Variants in HOOK3 observed in about 807,000 individuals in gnomAD.
HOOK3 encodes protein Hook homolog 3.
HOOK3 carries 24 observed loss-of-function variants against 116.3 expected under a neutral mutation model. The ratio of observed to expected loss-of-function variants is 0.21; its 90% confidence interval spans 0.15 to 0.29. The LOEUF (loss-of-function observed/expected upper bound fraction) is 0.29. HOOK3 is among the 10% of genes least tolerant of loss of function. HOOK3 has a pLI of 1.00. For synonymous variants in HOOK3, 275 were observed against 283.0 expected (o/e 0.97, Z 0.28); for missense variants, 632 against 830.2 (o/e 0.76, Z 2.93).
At chr8:43,000,198 T>A (rs1809353210) in intron 16 of HOOK3, 2 of 943,256 alleles carry the variant, frequency 2.1e-6, no homozygotes, top group African/African-American at 3.4e-5. Flanking sequence ...ACTAAATCGT[T>A]GCTTCTCTTG....
At chr8:42,962,152 A>G (rs1304252980) in intron 8 of HOOK3, among the ~76,000 whole-genome samples, 1 of 151,688 alleles carries the variant, frequency 6.6e-6, no homozygotes, top group Admixed American at 6.6e-5. Context: ...TGGCATGATC[A>G]CAGCTTGCTG....
chr8:42,959,425 T>C, intron 8 of HOOK3, 111 bp downstream of exon 8: 1 of 711,192 alleles, frequency 1.4e-6, no homozygotes, highest in Admixed American at 2.8e-5. Flanking sequence ...AACCCTTTTT[T>C]AGGGAAAAAA....
chr8:42,948,509 C>T (rs1808277739), intron 5 of HOOK3, among the ~76,000 whole-genome samples: 1 of 152,154 alleles, frequency 6.6e-6, no homozygotes, highest in Non-Finnish European at 1.5e-5. Context: ...AACGCTTCCC[C>T]TCTCACACCT....
At chr8:42,900,102 C>T (rs1807154359) in intron 1 of HOOK3, among the ~76,000 whole-genome samples, 1 of 152,110 alleles carries the variant, frequency 6.6e-6, no homozygotes, top group African/African-American at 2.4e-5. Flanking sequence ...CCTACTAGCC[C>T]AAGAACCATA....
At chr8:43,009,437 G>A (rs185502855) in intron 18 of HOOK3, among the ~76,000 whole-genome samples, 157 of 151,940 alleles carry the variant, frequency 1.0e-3, no homozygotes, top group African/African-American at 3.6e-3. Context: ...CATATAGGGA[G>A]TATATAATCA....
rs202143842 is a variant in HOOK3 at position 42,974,177 on chromosome 8, G to A, written c.1304G>A (p.Gly435Glu). The A allele has an allele frequency of 4.3e-6, 7 of 1,613,198 alleles. No individual in the cohort carries two copies. Among genetic ancestry groups the A allele is most frequent in the Non-Finnish European group, 5.9e-6 (7 of 1,179,352 alleles). The change falls in exon 13 of 22, where the codon GGG becomes GAG. Residue 435 changes from glycine (G) to glutamate (E), a missense_variant. Transcript: ENST00000307602. The stretch of plus-strand genomic sequence containing the variant: ...CTTCGTTGTGTACAAGCTCAAGAAG[G>A]GCAGCTCACAACACAAGGTAAAAAC... ...EELRCVQAQE[G>E]QLTTQGLMPL...
chr8:42,965,543 A>G (rs2130422782), intron 9 of HOOK3, among the ~76,000 whole-genome samples: 1 of 152,316 alleles, frequency 6.6e-6, no homozygotes, highest in South Asian at 2.1e-4. Flanking sequence ...AGACGGAAGC[A>G]CAAAATCGAA....
intron 14 of HOOK3, among the ~76,000 whole-genome samples, chr8:42,985,067 AC>A (rs1809025642): frequency 6.6e-6 from 1 of 152,216 alleles, no homozygotes; most frequent in African/African-American, 2.4e-5. Context: ...AATATTTGAT[AC>A]TTTTCATTGA....
intron 17 of HOOK3, 28 bp from the exon 18 acceptor site, chr8:43,007,819 G>A: frequency 1.4e-6 from 2 of 1,398,746 alleles, no homozygotes; most frequent in East Asian, 2.3e-5. Context: ...AGAAGCAGTA[G>A]TAGGTGATGT....
At position 42,973,374 on chromosome 8, in the gene HOOK3, T is replaced by C. The variant is rs760205731; in HGVS notation, c.1208T>C (p.Val403Ala). ...DFEYKRLKEK[V>A]DSLQKEKDRL... ...GAATATAAGCGGCTAAAAGAAAAAG[T>C]TGACAGTCTTCAAAAAGAAAAGGAC... The change falls in exon 12 of 22, where the codon GTT (valine) becomes GCT (alanine). Residue 403 changes from valine to alanine, a missense_variant. Val to Ala is a moderately conservative substitution (Grantham distance 64). Coordinates refer to ENST00000307602, the MANE Select transcript of HOOK3 (RefSeq NM_032410.4). The C allele has an allele frequency of 6.2e-6, 10 of 1,612,408 alleles. No homozygotes were observed. The highest frequency in any genetic ancestry group is 8.5e-6 in the Non-Finnish European group (10 of 1,179,316).
At position 42,921,476 on chromosome 8, in the gene HOOK3, GT is replaced by G. The variant is rs1359613145; in HGVS notation, c.144-4079del. ...TAATGTTTTAGTAGAAATCACTTCAGTTGTTTTTCTTTTGATTATCTATTTT... is the reference window on the plus strand; with the variant it reads ...TAATGTTTTAGTAGAAATCACTTCAGTGTTTTTCTTTTGATTATCTATTTT... On this transcript the variant is annotated intron_variant, in intron 2 of 21. Transcript: ENST00000307602. Among the ~76,000 whole-genome samples the G allele has an allele frequency of 2.6e-5, 4 of 152,172 alleles. No individual in the cohort carries two copies. The East Asian group carries it at 7.7e-4, about 29-fold the overall frequency.
At chr8:42,922,772 C>T (rs112279620) in intron 2 of HOOK3, among the ~76,000 whole-genome samples, 9 of 150,450 alleles carry the variant, frequency 6.0e-5, no homozygotes, top group South Asian at 4.2e-4. Flanking sequence ...TGGTGGTGCA[C>T]GCCTGTAAGC....
At chr8:42,979,646 A>C (rs965647222) in intron 13 of HOOK3, among the ~76,000 whole-genome samples, 2 of 151,998 alleles carry the variant, frequency 1.3e-5, no homozygotes, top group African/African-American at 4.8e-5. Context: ...TTTTCTTATT[A>C]ATCAGCTCTC....
At chr8:42,907,777 T>C (rs1247958204) in intron 2 of HOOK3, among the ~76,000 whole-genome samples, 1 of 134,088 alleles carries the variant, frequency 7.5e-6, no homozygotes, top group Non-Finnish European at 1.5e-5. Context: ...ATGTCGACTC[T>C]GCCAGTTCTG....
chr8:42,978,273 G>A (rs1043566966), intron 13 of HOOK3, among the ~76,000 whole-genome samples: 12 of 151,906 alleles, frequency 7.9e-5, no homozygotes, highest in Admixed American at 3.3e-4. Flanking sequence ...ATGGAGTTTC[G>A]CTCTTGTCAC....
At chr8:42,989,418 T>G (rs1329180733) in intron 15 of HOOK3, among the ~76,000 whole-genome samples, 1 of 152,224 alleles carries the variant, frequency 6.6e-6, no homozygotes, top group Non-Finnish European at 1.5e-5. Flanking sequence ...CCCCATGAGG[T>G]AGGCATTATA....
chr8:42,938,685 G>C (rs1586599847), intron 4 of HOOK3, among the ~76,000 whole-genome samples: 1 of 151,156 alleles, frequency 6.6e-6, no homozygotes, highest in Non-Finnish European at 1.5e-5. Flanking sequence ...ATTCTGGGTT[G>C]AAAATGCTTT....
At chr8:42,999,548 G>A (rs561941790) in intron 16 of HOOK3, among the ~76,000 whole-genome samples, 7 of 152,096 alleles carry the variant, frequency 4.6e-5, no homozygotes, top group Non-Finnish European at 1.0e-4. Context: ...GTTGCATCTC[G>A]GGAATGTGCA....
chr8:43,002,916 T>G (rs1378247575), intron 17 of HOOK3, among the ~76,000 whole-genome samples: 3 of 152,218 alleles, frequency 2.0e-5, no homozygotes, highest in African/African-American at 7.2e-5. Context: ...TTTCCTGGAA[T>G]TACAAACAAG....
Sources: allele counts gnomAD v4.1 joint callset (sites outside exome capture counted in the v4.1 genomes callset), GRCh38; gene constraint gnomAD v4.1.1; transcripts MANE v1.5; gene names NCBI Gene and HGNC (gene_info 2026-07-23, HGNC 2026-07-21).